Variants in AXL observed in about 807,000 individuals in gnomAD.
AXL encodes the protein AXL receptor tyrosine kinase, also known as tyrosine-protein kinase receptor UFO.
A neutral mutation model predicts 104.5 loss-of-function variants in AXL; 52 were observed. That is an observed-to-expected ratio of 0.50 (90% CI 0.40 to 0.63). AXL has a LOEUF of 0.63. Ranked by LOEUF, AXL falls within the 20% of genes least tolerant of loss-of-function variation. The pLI, the probability that AXL is intolerant of heterozygous loss-of-function variation, is 0.00. For synonymous variants in AXL, 455 were observed against 473.7 expected (o/e 0.96, Z 0.51); for missense variants, 1,024 against 1,188.5 (o/e 0.86, Z 2.04).
intron 12 of AXL, 121 bp downstream of exon 12, chr19:41,243,828 G>A (rs2034226186): frequency 6.6e-6 from 5 of 754,774 alleles, no homozygotes; most frequent in Non-Finnish European, 9.3e-6. Context: ...ATACTAGAAT[G>A]TCAGAACCAC....
chr19:41,231,346 C>A (rs372520752), intron 6 of AXL, 48 bp downstream of exon 6: 8 of 1,508,840 alleles, frequency 5.3e-6, no homozygotes, highest in Non-Finnish European at 4.6e-6. Flanking sequence ...CTCCTTCCAC[C>A]CACATCCACA....
In AXL at chr19:41,248,737, C is replaced by T; in HGVS notation, c.1634-6C>T. The T allele has an allele frequency of 1.2e-6, 2 of 1,614,068 alleles. No individual in the cohort carries two copies. Among genetic ancestry groups the T allele is most frequent in the African/African-American group, 1.3e-5 (1 of 75,026 alleles). On this transcript the variant is annotated splice_region_variant and splice_polypyrimidine_tract_variant and intron_variant, in intron 13 of 19. Coordinates refer to ENST00000301178, the MANE Select transcript of AXL (RefSeq NM_021913.5). ...GAGGTCAGTGTCTCCCTCTGGCCCC[C>T]CACAGGAGAGTTTGGAGCTGTGATG...
intron 4 of AXL, among the ~76,000 whole-genome samples, chr19:41,227,488 CTTT>C (rs34569295): frequency 2.2e-5 from 3 of 135,476 alleles, no homozygotes; most frequent in East Asian, 2.1e-4. Flanking sequence ...ACCCTGGGGC[CTTT>C]TTTTTTTTTT....
Position 41,221,984 on chromosome 19 carries a change from C to A in AXL, c.514C>A (p.Leu172Ile). The A allele has an allele frequency of 1.2e-6, 2 of 1,611,094 alleles. No individual in the cohort carries two copies. Among genetic ancestry groups the A allele is most frequent in the Non-Finnish European group, 1.7e-6 (2 of 1,178,862 alleles). The change falls in exon 4 of 20, where the codon CTC becomes ATC. Residue 172 changes from leucine to isoleucine, a missense_variant. Coordinates refer to ENST00000301178, the MANE Select transcript of AXL (RefSeq NM_021913.5). ...AQGPPEPVDLLWLQDAVPLAT... is the reference protein window; with the variant it reads ...AQGPPEPVDLIWLQDAVPLAT... ...GGGACCCCCAGAGCCCGTGGACCTA[C>A]TCTGGCTCCAGGATGCTGTCCCCCT...
At chr19:41,256,423 G>T in intron 17 of AXL, 29 bp from the exon 18 acceptor site, 1 of 1,602,426 alleles carries the variant, frequency 6.2e-7, no homozygotes, top group South Asian at 1.1e-5. Context: ...CTGATGCCCT[G>T]ACCCTGTTCC....
Position 41,221,215 on chromosome 19 carries a change from C to T in AXL, c.378C>T (p.Phe126=), listed in dbSNP as rs540192002. 7 of 1,614,028 alleles carry T rather than the reference C, an allele frequency of 4.3e-6. No individual in the cohort carries two copies. Among genetic ancestry groups the T allele is most frequent in the South Asian group, 3.3e-5 (3 of 91,062 alleles). The stretch of plus-strand genomic sequence containing the variant: ...TGGTGTTTCTGGGACATCAGACCTT[C>T]GTGTCCCAGCCTGGCTATGTTGGGC... ...QCLVFLGHQT[F]VSQPGYVGLE... is the part of the protein sequence containing the mutation. The change falls in exon 3 of 20, where the codon TTC becomes TTT. Residue 126 remains phenylalanine, a synonymous_variant. Transcript: ENST00000301178.
At position 41,261,055 on chromosome 19, in the gene AXL, CA is replaced by C. The variant is rs1047748181; in HGVS notation, c.*1153del. 6.6e-5 allele frequency: 10 copies of C among 152,116 alleles called. No homozygotes were observed. Among genetic ancestry groups the C allele is most frequent in the African/African-American group, 2.4e-4 (10 of 41,416 alleles). 9.4% of individuals were successfully genotyped at this position (152,116 alleles called of 1,614,324 possible). On this transcript the variant is annotated 3_prime_UTR_variant, in exon 20 of 20. Coordinates refer to ENST00000301178, the MANE Select transcript of AXL (RefSeq NM_021913.5). ...TCTAGAATCTGCAATTCAAAAGTTC[CA>C]AGAGTCTAAAGATGGAGTTTCTAAG...
chr19:41,259,486 C>A, intron 19 of AXL, 67 bp from the exon 20 acceptor site: 1 of 1,406,152 alleles, frequency 7.1e-7, no homozygotes, highest in Non-Finnish European at 9.7e-7. Flanking sequence ...AAAATGTCCC[C>A]AGGCTTCCAG....
chr19:41,249,460 A>C (rs2034325588), intron 14 of AXL, among the ~76,000 whole-genome samples: 1 of 151,792 alleles, frequency 6.6e-6, no homozygotes, highest in Non-Finnish European at 1.5e-5. Flanking sequence ...GTCTTAAAAA[A>C]ATAAAACACA....
chr19:41,245,620 A>G (rs2034258443), intron 12 of AXL, among the ~76,000 whole-genome samples: 1 of 151,452 alleles, frequency 6.6e-6, no homozygotes, highest in African/African-American at 2.4e-5. Context: ...AGGCTGAGGC[A>G]GGAGAATCTC....
intron 6 of AXL, among the ~76,000 whole-genome samples, chr19:41,236,879 G>T (rs2034089499): frequency 6.6e-6 from 1 of 151,764 alleles, no homozygotes; most frequent in African/African-American, 2.4e-5. Flanking sequence ...ATGTGGCCCA[G>T]GATGGCTTTG....
At chr19:41,240,538 A>T (rs2122241649) in intron 10 of AXL, among the ~76,000 whole-genome samples, 1 of 152,216 alleles carries the variant, frequency 6.6e-6, no homozygotes, top group Non-Finnish European at 1.5e-5. Context: ...TTTCTCTAAC[A>T]ATTCTCAAAC....
chr19:41,227,078 A>G (rs2033894452), intron 4 of AXL, among the ~76,000 whole-genome samples: 1 of 152,126 alleles, frequency 6.6e-6, no homozygotes, highest in African/African-American at 2.4e-5. Flanking sequence ...AGCCTGGGAG[A>G]TAGAGCAAGA....
At chr19:41,219,974 G>T (rs1016014339) in intron 1 of AXL, among the ~76,000 whole-genome samples, 1 of 151,766 alleles carries the variant, frequency 6.6e-6, no homozygotes, top group African/African-American at 2.4e-5. Context: ...CTCTCACTTT[G>T]TCTCTCTGTC....
intron 6 of AXL, among the ~76,000 whole-genome samples, chr19:41,233,707 C>G (rs991374069): frequency 2.7e-5 from 4 of 147,652 alleles, no homozygotes; most frequent in African/African-American, 9.9e-5. Context: ...GAGAGGGGCC[C>G]CCTCTCTGGG....
intron 4 of AXL, among the ~76,000 whole-genome samples, chr19:41,230,390 T>C (rs1030136664): frequency 1.3e-5 from 2 of 151,202 alleles, no homozygotes. Context: ...TGTGTGTGTA[T>C]GAGTGTGTGT....
At position 41,260,298 on chromosome 19, in the gene AXL, C is replaced by CATTTTTTTTTTTTT. The variant is rs2034517693; in HGVS notation, c.*394_*395insATTTTTTTTTTTTT. The CATTTTTTTTTTTTT allele has an allele frequency of 2.1e-5, 1 of 48,572 alleles. No homozygotes were observed. Among genetic ancestry groups the CATTTTTTTTTTTTT allele is most frequent in the African/African-American group, 8.5e-5 (1 of 11,730 alleles). 3.0% of individuals were successfully genotyped at this position (48,572 alleles called of 1,614,324 possible). On this transcript the variant is annotated 3_prime_UTR_variant, in exon 20 of 20. Coordinates refer to ENST00000301178, the MANE Select transcript of AXL (RefSeq NM_021913.5). Reference sequence around the variant, plus strand: ...TAAAGTGCTAAGGTTCTAAGGCCTACTTTTTTTTTTTTTTTTTTTTTTTTT... The same window carrying CATTTTTTTTTTTTT: ...TAAAGTGCTAAGGTTCTAAGGCCTACATTTTTTTTTTTTTTTTTTTTTTTTTTTTTTTTTTTTTT...
intron 4 of AXL, among the ~76,000 whole-genome samples, chr19:41,222,670 G>A (rs1337498478): frequency 6.6e-6 from 1 of 152,140 alleles, no homozygotes; most frequent in Admixed American, 6.5e-5. Flanking sequence ...ACTTTGGGAG[G>A]CTGAGGCGGG....
At chr19:41,256,692 A>T (rs2034458215) in intron 18 of AXL, 81 bp downstream of exon 18, 4 of 1,562,304 alleles carry the variant, frequency 2.6e-6, no homozygotes, top group Non-Finnish European at 1.8e-6. Flanking sequence ...GTGGCTGTGG[A>T]TGCAAGGGTC....
Sources: gnomAD v4.1 joint callset for allele counts (sites outside exome capture counted in the v4.1 genomes callset) on GRCh38, gnomAD v4.1.1 for gene constraint, MANE v1.5 for transcripts, NCBI Gene and HGNC (gene_info 2026-07-23, HGNC 2026-07-21) for gene names.